Variants in XDH observed in about 807,000 individuals in gnomAD.
XDH encodes the protein xanthine dehydrogenase.
In XDH, 138 loss-of-function variants were observed where a neutral mutation model predicts 156.1. The ratio of observed to expected loss-of-function variants is 0.88; its 90% CI spans 0.77 to 1.02. The LOEUF is 1.02. Among genes scored for constraint, XDH ranks in the 50% least tolerant of loss-of-function variants. The pLI is 0.00. For missense variants in XDH, 1,849 were observed against 1,684.9 expected (o/e 1.10, Z -1.71); for synonymous variants, 669 against 625.7 (o/e 1.07, Z -1.03).
intron 33 of XDH, among the ~76,000 whole-genome samples, chr2:31,340,508 C>T (rs943815542): frequency 2.0e-5 from 3 of 152,054 alleles, no homozygotes; most frequent in Admixed American, 6.5e-5. Flanking sequence ...CTTGCTCTAT[C>T]GCCCAGGCTG....
chr2:31,374,371 G>A (rs1158998364), intron 15 of XDH, among the ~76,000 whole-genome samples: 7 of 152,274 alleles, frequency 4.6e-5, no homozygotes, highest in East Asian at 1.9e-4. Context: ...GATTTAAAGC[G>A]CTATATGCAG....
rs1482579548 is a variant in XDH at position 31,366,004 on chromosome 2, A to C, written c.2428T>G (p.Ser810Ala). 1 of 1,614,176 alleles carries C rather than the reference A, an allele frequency of 6.2e-7. No homozygotes were observed. Among genetic ancestry groups the C allele is most frequent in the Admixed American group, 1.7e-5 (1 of 60,026 alleles). ...GGKETRSTVV[S>A]TAVALAAYKT... Reference sequence around the variant, plus strand: ...TATGCAGCCAGGGCCACTGCCGTGGACACCACAGTGCTCCGGGTCTCCTTG... The same window carrying C: ...TATGCAGCCAGGGCCACTGCCGTGGCCACCACAGTGCTCCGGGTCTCCTTG... Residue 810 changes from serine to alanine, a missense_variant, in exon 22 of 36, where the codon TCC (serine) becomes GCC (alanine). Coordinates refer to ENST00000379416, the MANE Select transcript of XDH (RefSeq NM_000379.4).
At chr2:31,391,301 G>A (rs890882625) in intron 6 of XDH, among the ~76,000 whole-genome samples, 1 of 151,936 alleles carries the variant, frequency 6.6e-6, no homozygotes, top group Non-Finnish European at 1.5e-5. Context: ...GTCTATTTCT[G>A]GGCTCTCTAT....
intron 31 of XDH, among the ~76,000 whole-genome samples, chr2:31,343,435 G>A (rs923255380): frequency 1.5e-4 from 20 of 133,712 alleles, no homozygotes; most frequent in African/African-American, 5.7e-4. Flanking sequence ...GTTTTTTTGT[G>A]TATATATGTT....
chr2:31,379,625 G>A (rs1686375393), intron 13 of XDH, among the ~76,000 whole-genome samples: 1 of 152,120 alleles, frequency 6.6e-6, no homozygotes, highest in Admixed American at 6.5e-5. Flanking sequence ...GCTCACTCAG[G>A]ACCAAGTTTC....
At chr2:31,373,237 T>C (rs189589510) in intron 16 of XDH, among the ~76,000 whole-genome samples, 1 of 152,306 alleles carries the variant, frequency 6.6e-6, no homozygotes. Flanking sequence ...GGACACAAAT[T>C]CAGGCAGTCA....
chr2:31,353,810 G>A (rs1287491262), intron 24 of XDH, among the ~76,000 whole-genome samples: 3 of 152,268 alleles, frequency 2.0e-5, no homozygotes, highest in East Asian at 3.9e-4. Flanking sequence ...CTCAGTAGGA[G>A]CCCAGACTTC....
At chr2:31,383,261 A>G (rs1005924361) in intron 10 of XDH, 109 bp from the exon 11 acceptor site, 23 of 1,539,744 alleles carry the variant, frequency 1.5e-5, no homozygotes, top group Non-Finnish European at 2.0e-5. Context: ...CTGAATCAGG[A>G]CTCACAGCTT....
intron 12 of XDH, among the ~76,000 whole-genome samples, chr2:31,380,841 T>C (rs143438952): frequency 6.6e-6 from 1 of 152,272 alleles, no homozygotes; most frequent in East Asian, 1.9e-4. Flanking sequence ...AGCACATAAT[T>C]GTAGAGCATT....
At chr2:31,362,502 C>G (rs1277146579) in intron 24 of XDH, among the ~76,000 whole-genome samples, 1 of 152,146 alleles carries the variant, frequency 6.6e-6, no homozygotes, top group Non-Finnish European at 1.5e-5. Flanking sequence ...AAAGTGACAT[C>G]TATAGAAGCA....
chr2:31,389,910 G>A (rs1244436158), intron 6 of XDH, among the ~76,000 whole-genome samples: 1 of 151,910 alleles, frequency 6.6e-6, no homozygotes, highest in Non-Finnish European at 1.5e-5. Context: ...AAGATGTAGA[G>A]AATTCCCAAA....
chr2:31,337,332 G>C (rs1684993098), intron 35 of XDH, among the ~76,000 whole-genome samples: 1 of 152,054 alleles, frequency 6.6e-6, no homozygotes, highest in Non-Finnish European at 1.5e-5. Context: ...AGGCTCTCTG[G>C]AGTTTCATCC....
Position 31,339,477 on chromosome 2 carries a change from G to A in XDH, c.3774+12C>T, listed in dbSNP as rs45617534. On this transcript the variant is annotated intron_variant, in intron 34 of 35. Coordinates refer to ENST00000379416, the MANE Select transcript of XDH (RefSeq NM_000379.4). Reference sequence around the variant, plus strand: ...GATCAGAAGAGACAGCACAGAGCCAGAGCAATGGTACCTTCGATGCATAGA... The same window carrying A: ...GATCAGAAGAGACAGCACAGAGCCAAAGCAATGGTACCTTCGATGCATAGA... 5 of 1,613,686 alleles carry A rather than the reference G, an allele frequency of 3.1e-6. No homozygotes were observed. In the Admixed American group the frequency reaches 5.0e-5, roughly 16 times the overall value.
intron 22 of XDH, 126 bp from the exon 23 acceptor site, chr2:31,365,670 G>T: frequency 1.7e-6 from 2 of 1,167,154 alleles, no homozygotes; most frequent in Non-Finnish European, 2.6e-6. Flanking sequence ...CCTGTACAGG[G>T]CTGCTTTGCC....
chr2:31,388,162 C>T (rs866655417), intron 7 of XDH, 65 bp downstream of exon 7: 14 of 1,562,060 alleles, frequency 9.0e-6, no homozygotes, highest in Non-Finnish European at 8.8e-6. Flanking sequence ...ACATGGAGCT[C>T]GTGCACTGAC....
chr2:31,382,988 G>C lies in XDH; in HGVS notation c.1038+13C>G, dbSNP rs370852581. 24 of 1,614,064 alleles carry C rather than the reference G, an allele frequency of 1.5e-5. No individual in the cohort carries two copies. The highest frequency in any genetic ancestry group is 2.0e-5 in the Non-Finnish European group (24 of 1,180,022). On this transcript the variant is annotated intron_variant, in intron 11 of 35. Transcript: ENST00000379416. ...CATCCTACGGGCCTCGCTTGCTTCT[G>C]AGAGCGACTCACCGCCACAGACTTG...
Position 31,364,069 on chromosome 2 carries a change from G to A in XDH, c.2631+89C>T. On this transcript the variant is annotated intron_variant, in intron 24 of 35. Transcript: ENST00000379416. Reference sequence around the variant, plus strand: ...TAGGAGACTACTGCAACAGTAGCAAGCAGGGACTGGGGAGGCCTGTGCCTG... The same window carrying A: ...TAGGAGACTACTGCAACAGTAGCAAACAGGGACTGGGGAGGCCTGTGCCTG... 4.0e-6 allele frequency: 5 copies of A among 1,247,652 alleles called. No individual in the cohort carries two copies. The East Asian group carries it at 1.2e-4, about 29-fold the overall frequency. 77.3% of individuals were successfully genotyped at this position (1,247,652 alleles called of 1,614,324 possible).
At chr2:31,336,756 C>T (rs532333375) in intron 35 of XDH, among the ~76,000 whole-genome samples, 2 of 146,286 alleles carry the variant, frequency 1.4e-5, no homozygotes, top group Non-Finnish European at 3.0e-5. Context: ...CTGTGCCCTC[C>T]CCACTTGGGA....
chr2:31,356,217 TAGAC>T (rs1378819893), intron 24 of XDH, among the ~76,000 whole-genome samples: 1 of 151,986 alleles, frequency 6.6e-6, no homozygotes. Context: ...TAGCAAAAAA[TAGAC>T]AGAAAATCAG....
Sources: allele counts gnomAD v4.1 joint callset (sites outside exome capture counted in the v4.1 genomes callset), GRCh38; gene constraint gnomAD v4.1.1; transcripts MANE v1.5; gene names NCBI Gene and HGNC (gene_info 2026-07-23, HGNC 2026-07-21).